The following TMEM245 variants were observed in gnomAD, a reference collection of about 807,000 sequenced individuals.
The protein encoded by TMEM245 is transmembrane protein 245, also known as protein CG-2.
In TMEM245, 69 loss-of-function variants were observed where a neutral mutation model predicts 101.2. The ratio of observed to expected loss-of-function variants is 0.68; its 90% CI spans 0.56 to 0.83. TMEM245 has a LOEUF of 0.83. TMEM245 is among the 40% of genes least tolerant of loss of function. The pLI, the probability that TMEM245 is intolerant of heterozygous loss-of-function variation, is 0.00. For synonymous variants in TMEM245, 537 were observed against 449.8 expected (o/e 1.19, Z -2.45); for missense variants, 1,075 against 1,092.8 (o/e 0.98, Z 0.23).
intron 17 of TMEM245, among the ~76,000 whole-genome samples, chr9:109,023,836 C>CAAA (rs139227712): frequency 1.2e-5 from 1 of 82,800 alleles, no homozygotes; most frequent in Non-Finnish European, 2.6e-5. Flanking sequence ...ACTCTGTTTC[C>CAAA]AAAAAAAAAA....
chr9:109,105,602 C>G (rs1830389616), intron 3 of TMEM245, among the ~76,000 whole-genome samples: 1 of 152,152 alleles, frequency 6.6e-6, no homozygotes, highest in Non-Finnish European at 1.5e-5. Context: ...CCCAAATATC[C>G]ATCAACTGAT....
At chr9:109,057,109 C>A in intron 12 of TMEM245, 82 bp downstream of exon 12, 2 of 1,449,768 alleles carry the variant, frequency 1.4e-6, no homozygotes, top group South Asian at 1.3e-5. Flanking sequence ...ATAGATGAGG[C>A]CTCAAAGTGT....
chr9:109,062,362 C>G (rs973059954), intron 10 of TMEM245, among the ~76,000 whole-genome samples: 4 of 152,140 alleles, frequency 2.6e-5, no homozygotes, highest in Admixed American at 1.3e-4. Context: ...AAGAAATATA[C>G]CAATTAATGC....
chr9:109,059,893 G>C (rs1243284464), intron 11 of TMEM245, among the ~76,000 whole-genome samples: 2 of 150,094 alleles, frequency 1.3e-5, no homozygotes, highest in African/African-American at 4.9e-5. Context: ...ATGCATGCTA[G>C]ATTTCAAAGA....
At chr9:109,106,946 G>C (rs911050194) in intron 2 of TMEM245, among the ~76,000 whole-genome samples, 1 of 152,162 alleles carries the variant, frequency 6.6e-6, no homozygotes, top group East Asian at 1.9e-4. Context: ...AGAATGACCA[G>C]AATTAGGCAT....
At chr9:109,059,109 A>G (rs1828933055) in intron 11 of TMEM245, among the ~76,000 whole-genome samples, 2 of 152,210 alleles carry the variant, frequency 1.3e-5, no homozygotes, top group South Asian at 4.1e-4. Context: ...ATTTGTAAGC[A>G]GAAGCCCCAG....
At chr9:109,097,239 A>T (rs1830165806) in intron 3 of TMEM245, among the ~76,000 whole-genome samples, 1 of 152,236 alleles carries the variant, frequency 6.6e-6, no homozygotes. Context: ...GAGCAGGGGT[A>T]GAAAAGTGTT....
At chr9:109,073,171 A>G in intron 9 of TMEM245, 185 bp downstream of exon 9, 1 of 576,512 alleles carries the variant, frequency 1.7e-6, no homozygotes, top group South Asian at 2.1e-5. Context: ...TAAAATCCTG[A>G]GCACTTTCCT....
In TMEM245 at chr9:109,086,348, A is replaced by T. The variant is rs146231693; in HGVS notation, c.1321-328T>A. The stretch of plus-strand genomic sequence containing the variant: ...GCTCCGTCTGCTTGCCCTTCTGGCC[A>T]TGTCTACCTAAGAAACTCCCGCCTG... On this transcript the variant is annotated intron_variant, in intron 6 of 17. Transcript: ENST00000374586. 2.6e-5 allele frequency among the ~76,000 whole-genome samples: 4 copies of T among 152,240 alleles called. No individual in the cohort carries two copies. In the East Asian group the frequency reaches 7.7e-4, roughly 29 times the overall value.
At chr9:109,079,212 T>C (rs59756486) in intron 8 of TMEM245, among the ~76,000 whole-genome samples, 84,242 of 151,646 alleles carry the variant, frequency 0.56, 23,734 homozygotes, top group Middle Eastern at 0.6. Flanking sequence ...TAATTTCATG[T>C]TGTTTTATTC....
In TMEM245 at chr9:109,093,535, C is replaced by A; in HGVS notation, c.856G>T (p.Ala286Ser). 3 of 1,614,084 alleles carry A rather than the reference C, an allele frequency of 1.9e-6. No individual in the cohort carries two copies. Among genetic ancestry groups the A allele is most frequent in the Non-Finnish European group, 2.5e-6 (3 of 1,179,988 alleles). ...GATTCATACCCTGTGATAGAGATGG[C>A]CAAGTTTGCCAGAGTAGAAGCTGCC... is the stretch of plus-strand genomic sequence containing the variant. Reference protein sequence around the residue: ...SMAASTLANLAISITGYESSS... With the variant: ...SMAASTLANLSISITGYESSS... The change falls in exon 4 of 18, where the codon GCC becomes TCC. Residue 286 changes from alanine to serine, a missense_variant. Ala to Ser is a moderately conservative substitution (Grantham distance 99). Coordinates refer to ENST00000374586, the MANE Select transcript of TMEM245 (RefSeq NM_032012.4).
chr9:109,095,229 A>G (rs1005857608), intron 3 of TMEM245, among the ~76,000 whole-genome samples: 2 of 152,218 alleles, frequency 1.3e-5, no homozygotes, highest in Admixed American at 6.5e-5. Context: ...TGAAATGCCA[A>G]TAAGACAGAA....
chr9:109,107,732 T>C (rs1158833773), intron 2 of TMEM245, among the ~76,000 whole-genome samples: 2 of 152,242 alleles, frequency 1.3e-5, no homozygotes, highest in African/African-American at 2.4e-5. Context: ...TGAATTGTGT[T>C]GTTAAATTAG....
chr9:109,104,261 T>C (rs774059223), intron 3 of TMEM245, among the ~76,000 whole-genome samples: 1 of 152,134 alleles, frequency 6.6e-6, no homozygotes, highest in Non-Finnish European at 1.5e-5. Context: ...GATGTGATTA[T>C]TACACATTAC....
intron 3 of TMEM245, among the ~76,000 whole-genome samples, chr9:109,097,560 C>T (rs1053654340): frequency 6.6e-6 from 1 of 152,170 alleles, no homozygotes; most frequent in Non-Finnish European, 1.5e-5. Flanking sequence ...GTCCCAGTCT[C>T]CTCATGTGTA....
Position 109,019,849 on chromosome 9 carries a change from T to G in TMEM245, c.*611A>C, listed in dbSNP as rs1406453805. On this transcript the variant is annotated 3_prime_UTR_variant, in exon 18 of 18. Coordinates refer to ENST00000374586, the MANE Select transcript of TMEM245 (RefSeq NM_032012.4). ...GGAAGAGGAGGAAGAGCTTCAGTCT[T>G]TGTATCTCCCAGGGTTATAATATAA... The G allele has an allele frequency of 2.0e-5, 3 of 152,310 alleles. No individual in the cohort carries two copies. Among genetic ancestry groups the G allele is most frequent in the African/African-American group, 7.2e-5 (3 of 41,454 alleles). The allele number at this position is 152,310 out of a possible 1,614,324, so 9.4% of individuals were successfully genotyped here. A position where few individuals can be genotyped will look rare whatever the true frequency, so the allele number is the denominator to read the frequency against.
chr9:109,061,905 A>G (rs891184733), intron 10 of TMEM245, among the ~76,000 whole-genome samples: 1 of 151,834 alleles, frequency 6.6e-6, no homozygotes, highest in Non-Finnish European at 1.5e-5. Flanking sequence ...GTAACACTGC[A>G]ATGAACATCC....
At chr9:109,074,745 G>C (rs1048568912) in intron 8 of TMEM245, among the ~76,000 whole-genome samples, 1 of 152,142 alleles carries the variant, frequency 6.6e-6, no homozygotes, top group Non-Finnish European at 1.5e-5. Flanking sequence ...GAACAGAACA[G>C]AGTCTAGATA....
chr9:109,050,552 T>C lies in TMEM245; in HGVS notation c.1977+18A>G. On this transcript the variant is annotated intron_variant, in intron 13 of 17. Coordinates refer to ENST00000374586, the MANE Select transcript of TMEM245 (RefSeq NM_032012.4). ...ACAGGGAAGGAAATATGACGTGTAC[T>C]TATCTATGTGGACGTACCAGAGAGA... 6.2e-7 allele frequency: 1 copy of C among 1,613,930 alleles called. No homozygotes were observed.
Sources: gnomAD v4.1 joint callset for allele counts (sites outside exome capture counted in the v4.1 genomes callset) on GRCh38, gnomAD v4.1.1 for gene constraint, MANE v1.5 for transcripts, NCBI Gene and HGNC (gene_info 2026-07-23, HGNC 2026-07-21) for gene names.